EPB41L4B: variants seen among roughly 807,000 people sequenced by gnomAD.
The protein encoded by EPB41L4B is erythrocyte membrane protein band 4.1 like 4B, also known as band 4.1-like protein 4B.
A neutral mutation model predicts 112.5 loss-of-function variants in EPB41L4B; 30 were observed. The observed-to-expected ratio is 0.27, with a 90% CI of 0.20 to 0.36. The LOEUF (loss-of-function observed/expected upper bound fraction) is 0.36. EPB41L4B is among the 10% of genes least tolerant of loss of function. The pLI is 1.00. For missense variants in EPB41L4B, 1,024 were observed against 1,133.3 expected, an observed-to-expected ratio of 0.90 and a Z score of 1.38; for synonymous variants, 408 against 439.7, an observed-to-expected ratio of 0.93 and a Z score of 0.90.
chr9:109,243,542 T>C, intron 15 of EPB41L4B, 76 bp downstream of exon 15: 1 of 1,406,364 alleles, frequency 7.1e-7, no homozygotes, highest in Non-Finnish European at 1.0e-6. Flanking sequence ...TTTCTACTCC[T>C]AACTAAGCAG....
intron 14 of EPB41L4B, among the ~76,000 whole-genome samples, chr9:109,245,667 GC>G (rs1001569135): frequency 6.6e-6 from 1 of 152,176 alleles, no homozygotes; most frequent in Non-Finnish European, 1.5e-5. Flanking sequence ...GGCTGACCTT[GC>G]AGTGCTTGAA....
chr9:109,179,842 C>T (rs1363645626), intron 24 of EPB41L4B, among the ~76,000 whole-genome samples: 1 of 152,194 alleles, frequency 6.6e-6, no homozygotes, highest in Non-Finnish European at 1.5e-5. Context: ...TTTCTGCTCT[C>T]TCTCCCTTAA....
chr9:109,271,173 G>C (rs543170792), intron 2 of EPB41L4B, among the ~76,000 whole-genome samples: 4 of 152,224 alleles, frequency 2.6e-5, no homozygotes, highest in African/African-American at 4.8e-5. Flanking sequence ...CTGGTACCGG[G>C]TGGCTGACTG....
intron 1 of EPB41L4B, among the ~76,000 whole-genome samples, chr9:109,312,281 G>C (rs965345356): frequency 6.6e-6 from 1 of 152,202 alleles, no homozygotes; most frequent in African/African-American, 2.4e-5. Context: ...GTTTTTCTTT[G>C]AGATAATTTT....
At chr9:109,259,346 C>A (rs1835111161) in intron 6 of EPB41L4B, among the ~76,000 whole-genome samples, 1 of 152,180 alleles carries the variant, frequency 6.6e-6, no homozygotes, top group African/African-American at 2.4e-5. Context: ...GGCCCCGCCC[C>A]CAGAGTTTTT....
intron 1 of EPB41L4B, among the ~76,000 whole-genome samples, chr9:109,293,708 A>AC (rs1836623707): frequency 6.6e-6 from 1 of 151,648 alleles, no homozygotes; most frequent in African/African-American, 2.4e-5. Flanking sequence ...TAAAAAAAAA[A>AC]AAAAAAAAAA....
At chr9:109,234,467 A>G (rs1834067774) in intron 15 of EPB41L4B, among the ~76,000 whole-genome samples, 1 of 152,214 alleles carries the variant, frequency 6.6e-6, no homozygotes, top group Non-Finnish European at 1.5e-5. Flanking sequence ...AATGCTAACA[A>G]TGTTTGCTTC....
At chr9:109,204,332 C>A (rs370292202) in intron 18 of EPB41L4B, among the ~76,000 whole-genome samples, 313 of 109,182 alleles carry the variant, frequency 2.9e-3, no homozygotes, top group African/African-American at 0.012. Flanking sequence ...GCAGCCCTCA[C>A]GACCATCACA....
chr9:109,208,010 G>T lies in EPB41L4B; in HGVS notation c.1792C>A (p.Pro598Thr). 2 of 1,614,110 alleles carry T rather than the reference G, an allele frequency of 1.2e-6. No individual in the cohort carries two copies. Among genetic ancestry groups the T allele is most frequent in the Non-Finnish European group, 1.7e-6 (2 of 1,180,014 alleles). ...KKVSEKTLQT[P>T]LLPSPVADHV... ...TCCGCAACAGGGGAAGGCAAAAGTG[G>T]AGTCTGAAGAGTTTTCTCCGAGACT... Residue 598 changes from proline (P) to threonine (T), a missense_variant, in exon 18 of 26, where the codon CCA becomes ACA. Coordinates refer to ENST00000374566, the MANE Select transcript of EPB41L4B (RefSeq NM_019114.5).
intron 1 of EPB41L4B, among the ~76,000 whole-genome samples, chr9:109,282,019 A>G (rs1467338113): frequency 6.6e-6 from 1 of 152,262 alleles, no homozygotes. Flanking sequence ...ATGGATCAAC[A>G]AAAGACAGTA....
intron 23 of EPB41L4B, among the ~76,000 whole-genome samples, chr9:109,185,003 A>G (rs1038095612): frequency 6.6e-6 from 1 of 152,250 alleles, no homozygotes; most frequent in Non-Finnish European, 1.5e-5. Flanking sequence ...TATGAATGAT[A>G]TGAATAAATA....
intron 15 of EPB41L4B, among the ~76,000 whole-genome samples, chr9:109,230,949 A>G (rs557357328): frequency 2.4e-4 from 37 of 152,296 alleles, no homozygotes; most frequent in African/African-American, 8.7e-4. Context: ...TGAGGTCAGG[A>G]GTTCGAGACC....
chr9:109,206,722 A>G (rs1833003967), intron 18 of EPB41L4B, among the ~76,000 whole-genome samples: 1 of 152,228 alleles, frequency 6.6e-6, no homozygotes, highest in Non-Finnish European at 1.5e-5. Context: ...AATTTATGGC[A>G]GCTATTAAAC....
intron 22 of EPB41L4B, among the ~76,000 whole-genome samples, chr9:109,189,929 T>TTTTTC (rs371898674): frequency 9.6e-4 from 145 of 150,486 alleles, no homozygotes; most frequent in African/African-American, 3.1e-3. Flanking sequence ...CATGCCCAGC[T>TTTTTC]TTTTCTTTTC....
At chr9:109,299,579 T>C (rs1588225411) in intron 1 of EPB41L4B, among the ~76,000 whole-genome samples, 4 of 152,222 alleles carry the variant, frequency 2.6e-5, no homozygotes, top group Admixed American at 2.0e-4. Flanking sequence ...TGAGCCATGA[T>C]GTGCAGCAAG....
chr9:109,217,749 T>A (rs1418000146), intron 15 of EPB41L4B, among the ~76,000 whole-genome samples: 1 of 152,108 alleles, frequency 6.6e-6, no homozygotes, highest in African/African-American at 2.4e-5. Context: ...TTTTTAAAAT[T>A]TTTTGTAGAG....
intron 1 of EPB41L4B, among the ~76,000 whole-genome samples, chr9:109,303,208 C>A (rs575872776): frequency 7.5e-4 from 114 of 151,134 alleles, no homozygotes; most frequent in African/African-American, 2.7e-3. Context: ...GAATATACAC[C>A]AAAATGTTAA....
At chr9:109,286,272 G>A (rs1298188173) in intron 1 of EPB41L4B, among the ~76,000 whole-genome samples, 2 of 152,230 alleles carry the variant, frequency 1.3e-5, no homozygotes, top group East Asian at 3.9e-4. Flanking sequence ...GATAGCAGCA[G>A]GAGGTGGGTA....
chr9:109,241,876 A>G, intron 15 of EPB41L4B: 1 of 1,543,998 alleles, frequency 6.5e-7, no homozygotes, highest in Non-Finnish European at 8.9e-7. Flanking sequence ...TAAGTGAAAC[A>G]ACACAAGCAC....
Sources: allele counts gnomAD v4.1 joint callset (sites outside exome capture counted in the v4.1 genomes callset), GRCh38; gene constraint gnomAD v4.1.1; transcripts MANE v1.5; gene names NCBI Gene and HGNC (gene_info 2026-07-23, HGNC 2026-07-21).